The following PELO variants were observed in gnomAD, a reference collection of about 807,000 sequenced individuals.
The protein encoded by PELO is protein pelota homolog.
In PELO, 19 loss-of-function variants were observed where a neutral mutation model predicts 25.9. That is an observed-to-expected ratio of 0.73 (90% CI 0.51 to 1.08). The LOEUF (loss-of-function observed/expected upper bound fraction) is 1.08. Among genes scored for constraint, PELO ranks in the 50% least tolerant of loss-of-function variants. The probability of loss-of-function intolerance (pLI) is 0.00; values close to 1 mark genes in which losing one functional copy is unlikely to be tolerated. For missense variants in PELO, 498 were observed against 491.4 expected (o/e 1.01, Z -0.13); for synonymous variants, 196 against 192.2 (o/e 1.02, Z -0.16).
In PELO at chr5:52,787,948, C is replaced by A. The variant is rs929549800; in HGVS notation, c.-977C>A. ...TTCCTACCACCTTAGGGGATTTGGC[C>A]CGGAGAACGAGATCACCCTCTCAAT... On this transcript the variant is annotated 5_prime_UTR_variant, in exon 1 of 3. Transcript: ENST00000274311. 8.9e-5 allele frequency: 15 copies of A among 168,810 alleles called. No individual in the cohort carries two copies. The highest frequency in any genetic ancestry group is 1.8e-4 in the Non-Finnish European group (14 of 79,374). 10.5% of individuals were successfully genotyped at this position (168,810 alleles called of 1,614,324 possible). A position where few individuals can be genotyped will look rare whatever the true frequency, so the allele number is the denominator to read the frequency against.
At chr5:52,801,218 T>G (rs1748473971) in intron 2 of PELO, 98 bp downstream of exon 2, 1 of 1,293,908 alleles carries the variant, frequency 7.7e-7, no homozygotes, top group Admixed American at 2.3e-5. Flanking sequence ...GAAGAGAAAG[T>G]CTTTACTTAG....
rs1748163562 is a variant in PELO at position 52,788,278 on chromosome 5, C to T, written c.-647C>T. The T allele has an allele frequency of 8.4e-7, 1 of 1,195,996 alleles. No homozygotes were observed. Among genetic ancestry groups the T allele is most frequent in the Non-Finnish European group, 1.1e-6 (1 of 903,664 alleles). 74.1% of individuals were successfully genotyped at this position (1,195,996 alleles called of 1,614,324 possible). On this transcript the variant is annotated 5_prime_UTR_variant, in exon 1 of 3. Coordinates refer to ENST00000274311, the MANE Select transcript of PELO (RefSeq NM_015946.5). Reference sequence around the variant, plus strand: ...CGCGGCAGCGGGATAAGTGGCCCAGCCAGAGAGCGCAGCTCCCGCGCCCGG... The same window carrying T: ...CGCGGCAGCGGGATAAGTGGCCCAGTCAGAGAGCGCAGCTCCCGCGCCCGG...
chr5:52,801,405 C>G lies in PELO; in HGVS notation c.727-4C>G. Reference sequence around the variant, plus strand: ...TTGCCTAACTTTTGTAATTGTGATTCTAGGTACATGCCTCCTCCGGACACA... The same window carrying G: ...TTGCCTAACTTTTGTAATTGTGATTGTAGGTACATGCCTCCTCCGGACACA... On this transcript the variant is annotated splice_polypyrimidine_tract_variant and splice_region_variant and intron_variant, in intron 2 of 2. Transcript: ENST00000274311. The G allele has an allele frequency of 6.2e-7, 1 of 1,604,638 alleles. No individual in the cohort carries two copies. The highest frequency in any genetic ancestry group is 8.5e-7 in the Non-Finnish European group (1 of 1,173,822).
At position 52,803,474 on chromosome 5, in the gene PELO, A is replaced by G. The variant is rs954685494; in HGVS notation, c.*1634A>G. On this transcript the variant is annotated 3_prime_UTR_variant, in exon 3 of 3. Transcript: ENST00000274311. ...ATTTTTGGACATTTTTACTCTCATA[A>G]TCTATGCAGTACTGAAATGAGGTCT... is the stretch of plus-strand genomic sequence containing the variant. 14 of 152,150 alleles carry G rather than the reference A, an allele frequency of 9.2e-5. No individual in the cohort carries two copies. The highest frequency in any genetic ancestry group is 2.9e-4 in the African/African-American group (12 of 41,420). 9.4% of individuals were successfully genotyped at this position (152,150 alleles called of 1,614,324 possible).
chr5:52,796,931 C>T (rs564075019), intron 1 of PELO, among the ~76,000 whole-genome samples: 17 of 152,012 alleles, frequency 1.1e-4, no homozygotes, highest in African/African-American at 3.6e-4. Context: ...AGGTAGCAAA[C>T]GAGAAAGTTC....
rs1413576965 is a variant in PELO at position 52,800,114 on chromosome 5, T to C, written c.-281T>C. The C allele has an allele frequency of 2.5e-6, 1 of 399,732 alleles. No individual in the cohort carries two copies. The highest frequency in any genetic ancestry group is 2.1e-5 in the African/African-American group (1 of 48,446). The allele number at this position is 399,732 out of a possible 1,614,324, so 24.8% of individuals were successfully genotyped here. The stretch of plus-strand genomic sequence containing the variant: ...CGCCTTCATTTCGTCAGCCCGCTGT[T>C]GCGTGCTGCCAGCGGGAACTGTGTA... On this transcript the variant is annotated 5_prime_UTR_variant, in exon 2 of 3. Coordinates refer to ENST00000274311, the MANE Select transcript of PELO (RefSeq NM_015946.5).
intron 1 of PELO, among the ~76,000 whole-genome samples, chr5:52,789,770 G>A (rs1748203612): frequency 6.6e-6 from 1 of 152,170 alleles, no homozygotes; most frequent in South Asian, 2.1e-4. Flanking sequence ...TCTGAATACA[G>A]TAGTTTACTA....
intron 1 of PELO, among the ~76,000 whole-genome samples, chr5:52,792,994 C>T (rs184383621): frequency 3.3e-5 from 5 of 152,146 alleles, no homozygotes; most frequent in African/African-American, 7.2e-5. Context: ...TTTATTATGC[C>T]AGCTACTCTA....
chr5:52,793,669 C>A (rs1748284787), intron 1 of PELO, among the ~76,000 whole-genome samples: 1 of 151,982 alleles, frequency 6.6e-6, no homozygotes, highest in Non-Finnish European at 1.5e-5. Flanking sequence ...AGTATGTGAA[C>A]CCCATCTAGA....
chr5:52,800,172 C>T lies in PELO; in HGVS notation c.-223C>T. 3.5e-6 allele frequency: 2 copies of T among 577,988 alleles called. No individual in the cohort carries two copies. Among genetic ancestry groups the T allele is most frequent in the African/African-American group, 3.7e-5 (2 of 53,496 alleles). 35.8% of individuals were successfully genotyped at this position (577,988 alleles called of 1,614,324 possible). A position where few individuals can be genotyped will look rare whatever the true frequency, so the allele number is the denominator to read the frequency against. On this transcript the variant is annotated 5_prime_UTR_variant, in exon 2 of 3. Transcript: ENST00000274311. ...ATTTTCGCTGCAGTGTTCCCCGAGC[C>T]TGTTAGACGCAGCGCGCCGGGAGAC...
intron 1 of PELO, among the ~76,000 whole-genome samples, chr5:52,796,328 G>A (rs1241302240): frequency 6.6e-6 from 1 of 151,748 alleles, no homozygotes; most frequent in Non-Finnish European, 1.5e-5. Flanking sequence ...TCCCCTTCTG[G>A]AGAGATTAAT....
rs1748469688 is a variant in PELO at position 52,801,078 on chromosome 5, C to T, written c.684C>T (p.Thr228=). The change falls in exon 2 of 3, where the codon ACC becomes ACT. Residue 228 remains threonine (T), a synonymous_variant. Coordinates refer to ENST00000274311, the MANE Select transcript of PELO (RefSeq NM_015946.5). The part of the protein sequence containing the change: ...CDYLFQQAVK[T]DNKLLLENRS... ...ACCTGTTTCAACAAGCAGTGAAGAC[C>T]GACAACAAACTGCTCCTGGAAAACC... 10 of 1,610,332 alleles carry T rather than the reference C, an allele frequency of 6.2e-6. No homozygotes were observed. Among genetic ancestry groups the T allele is most frequent in the Non-Finnish European group, 7.6e-6 (9 of 1,177,922 alleles).
At chr5:52,799,615 C>G (rs1308220564) in intron 1 of PELO, among the ~76,000 whole-genome samples, 3 of 152,206 alleles carry the variant, frequency 2.0e-5, no homozygotes, top group Non-Finnish European at 2.9e-5. Flanking sequence ...CAGCTGGACA[C>G]GTTGCTGGGA....
intron 1 of PELO, among the ~76,000 whole-genome samples, chr5:52,791,196 A>C (rs1030003783): frequency 1.1e-4 from 16 of 152,240 alleles, no homozygotes; most frequent in African/African-American, 3.4e-4. Context: ...TCACATATAA[A>C]GGATTTAACT....
At chr5:52,788,807 T>C (rs539436029) in intron 1 of PELO, among the ~76,000 whole-genome samples, 1 of 152,308 alleles carries the variant, frequency 6.6e-6, no homozygotes, top group Non-Finnish European at 1.5e-5. Flanking sequence ...CTGATACATA[T>C]GCAAAATTCC....
In PELO at chr5:52,800,726, C is replaced by T. The variant is rs1444644831; in HGVS notation, c.332C>T (p.Thr111Ile). The T allele has an allele frequency of 4.3e-6, 7 of 1,614,232 alleles. No individual in the cohort carries two copies. Among genetic ancestry groups the T allele is most frequent in the Non-Finnish European group, 5.1e-6 (6 of 1,180,038 alleles). The change falls in exon 2 of 3, where the codon ACC becomes ATC. Residue 111 changes from threonine to isoleucine, a missense_variant. Transcript: ENST00000274311. ...TIELEPNRQF[T>I]LAKKQWDSVV... Reference sequence around the variant, plus strand: ...GAGCTGGAGCCCAACCGCCAGTTCACCCTGGCCAAGAAGCAGTGGGATAGT... The same window carrying T: ...GAGCTGGAGCCCAACCGCCAGTTCATCCTGGCCAAGAAGCAGTGGGATAGT...
At position 52,803,390 on chromosome 5, in the gene PELO, C is replaced by T. The variant is rs1748527294; in HGVS notation, c.*1550C>T. 6.6e-6 allele frequency: 1 copy of T among 151,890 alleles called. No homozygotes were observed. The highest frequency in any genetic ancestry group is 2.1e-4 in the South Asian group (1 of 4,816). 9.4% of individuals were successfully genotyped at this position (151,890 alleles called of 1,614,324 possible). On this transcript the variant is annotated 3_prime_UTR_variant, in exon 3 of 3. Transcript: ENST00000274311. ...TTTAATAAGAATATAGAAATGAAGC[C>T]ACTGAGATCCTTAAAGTTGAAACCT...
At position 52,788,669 on chromosome 5, in the gene PELO, G is replaced by T. The variant is rs1002941302; in HGVS notation, c.-511+255G>T. Reference sequence around the variant, plus strand: ...TGAGGCAGCACTGAAAACCTTAGAAGGTAGAATTCACTTTTAAAATTAAAG... The same window carrying T: ...TGAGGCAGCACTGAAAACCTTAGAATGTAGAATTCACTTTTAAAATTAAAG... On this transcript the variant is annotated intron_variant, in intron 1 of 2. Transcript: ENST00000274311. 1.3e-5 allele frequency among the ~76,000 whole-genome samples: 2 copies of T among 152,158 alleles called. 1 individual carries two copies. Among genetic ancestry groups the T allele is most frequent in the South Asian group, 4.1e-4 (2 of 4,828 alleles).
chr5:52,799,585 C>G (rs1040881046), intron 1 of PELO, among the ~76,000 whole-genome samples: 6 of 152,198 alleles, frequency 3.9e-5, no homozygotes, highest in African/African-American at 1.4e-4. Flanking sequence ...CGTGCAGACA[C>G]GGTAACTAGG....
Sources: allele counts gnomAD v4.1 joint callset (sites outside exome capture counted in the v4.1 genomes callset), GRCh38; gene constraint gnomAD v4.1.1; transcripts MANE v1.5; gene names NCBI Gene and HGNC (gene_info 2026-07-23, HGNC 2026-07-21).